The following RGS6 variants were observed in gnomAD, a reference collection of about 807,000 sequenced individuals.
RGS6 encodes regulator of G protein signaling 6, also known as regulator of G-protein signaling 6.
A neutral mutation model predicts 78.5 loss-of-function variants in RGS6; 30 were observed. The observed-to-expected ratio is 0.38, with a 90% confidence interval of 0.29 to 0.52. The LOEUF is 0.52. Ranked by LOEUF, RGS6 falls within the 20% of genes least tolerant of loss-of-function variation. The probability of loss-of-function intolerance (pLI) is 0.85; values close to 1 mark genes in which losing one functional copy is unlikely to be tolerated. For synonymous variants in RGS6, 206 were observed against 206.0 expected, an observed-to-expected ratio of 1.00 and a Z score of 0.00; for missense variants, 495 against 609.7, an observed-to-expected ratio of 0.81 and a Z score of 1.98.
At chr14:72,329,854 A>G (rs112732242) in intron 2 of RGS6, among the ~76,000 whole-genome samples, 5,105 of 152,190 alleles carry the variant, frequency 0.034, 176 homozygotes, top group African/African-American at 0.088. Context: ...GGGCCCTGAG[A>G]ACTGCCGGGA....
the RGS6 span, among the ~76,000 whole-genome samples, chr14:72,592,443 G>A: frequency 5.3e-5 from 8 of 152,350 alleles, no homozygotes; most frequent in East Asian, 1.3e-3. Flanking sequence ...GTGTAACAAG[G>A]TGTTAAGCTG....
downstream of RGS6, among the ~76,000 whole-genome samples, chr14:72,570,530 G>A (rs2097719053): frequency 6.6e-6 from 1 of 152,230 alleles, no homozygotes; most frequent in South Asian, 2.1e-4. Context: ...TCAGAGTGAG[G>A]CGTTATCTAT....
At chr14:72,482,201 G>C (rs1193914741) in intron 12 of RGS6, among the ~76,000 whole-genome samples, 1 of 152,146 alleles carries the variant, frequency 6.6e-6, no homozygotes, top group Non-Finnish European at 1.5e-5. Flanking sequence ...AGTTAATTTT[G>C]CTAGATGACT....
chr14:72,227,029 T>A (rs1371497558), intron 2 of RGS6, among the ~76,000 whole-genome samples: 4 of 152,214 alleles, frequency 2.6e-5, no homozygotes. Context: ...ACCAGATATA[T>A]ACACAACATT....
chr14:72,478,770 C>T lies in RGS6; in HGVS notation c.854+441C>T, dbSNP rs2096299548. On this transcript the variant is annotated intron_variant, in intron 12 of 17. Coordinates refer to ENST00000553525, the MANE Select transcript of RGS6 (RefSeq NM_001204424.2). ...TGGATCATCGGGAAGTGTTCCGCCT[C>T]CACACGCCATCAACCACTGAACTGC... is the stretch of plus-strand genomic sequence containing the variant. 2.0e-5 allele frequency among the ~76,000 whole-genome samples: 3 copies of T among 152,178 alleles called. 1 individual carries two copies. The South Asian group carries it at 6.2e-4, about 32-fold the overall frequency.
intron 2 of RGS6, among the ~76,000 whole-genome samples, chr14:72,057,050 C>T (rs1466264944): frequency 2.0e-5 from 3 of 151,946 alleles, no homozygotes; most frequent in Non-Finnish European, 2.9e-5. Context: ...GCAGTGGCTC[C>T]GACTTGTAAT....
chr14:72,545,469 T>G (rs888192667), intron 17 of RGS6, among the ~76,000 whole-genome samples: 7 of 152,144 alleles, frequency 4.6e-5, no homozygotes, highest in African/African-American at 1.7e-4. Context: ...CTCTGAGCCC[T>G]GGTTTTCTCC....
chr14:71,909,865 T>A, the RGS6 span, among the ~76,000 whole-genome samples: 2 of 151,938 alleles, frequency 1.3e-5, no homozygotes, highest in Non-Finnish European at 2.9e-5. Flanking sequence ...CTCTTTGACA[T>A]AAGTGTATTT....
At chr14:72,149,980 A>G (rs1239452124) in intron 2 of RGS6, among the ~76,000 whole-genome samples, 1 of 152,124 alleles carries the variant, frequency 6.6e-6, no homozygotes, top group Non-Finnish European at 1.5e-5. Flanking sequence ...CCATCTTACT[A>G]TTGGGCTACC....
chr14:72,385,771 A>G (rs377593158), intron 3 of RGS6, among the ~76,000 whole-genome samples: 9 of 152,270 alleles, frequency 5.9e-5, no homozygotes, highest in Admixed American at 1.3e-4. Flanking sequence ...TTCACCTTCA[A>G]TGTCATGCCA....
At chr14:71,933,608 A>G (rs1035309406) in intron 1 of RGS6, among the ~76,000 whole-genome samples, 4 of 152,226 alleles carry the variant, frequency 2.6e-5, no homozygotes, top group Non-Finnish European at 4.4e-5. Context: ...AGTTTTGTTC[A>G]GAATGAAAGC....
chr14:72,107,296 C>T lies in RGS6; in HGVS notation c.84+142421C>T, dbSNP rs574386306. 1.1e-4 allele frequency among the ~76,000 whole-genome samples: 17 copies of T among 152,182 alleles called. No homozygotes were observed. In the East Asian group the frequency reaches 1.7e-3, roughly 16 times the overall value. On this transcript the variant is annotated intron_variant, in intron 2 of 17. Coordinates refer to ENST00000553525, the MANE Select transcript of RGS6 (RefSeq NM_001204424.2). ...AAACGTAGTGGAAGAGTAATCAAAC[C>T]GTAGCAAATCATCCCTATTGAAGCT...
At chr14:72,476,958 C>G (rs2096254479) in intron 11 of RGS6, 118 bp downstream of exon 11, 1 of 840,008 alleles carries the variant, frequency 1.2e-6, no homozygotes, top group Non-Finnish European at 1.9e-6. Context: ...ACAGTGGAAC[C>G]CAGCTGTGGG....
intron 2 of RGS6, among the ~76,000 whole-genome samples, chr14:72,180,237 A>T (rs1441267682): frequency 1.3e-5 from 2 of 152,252 alleles, no homozygotes. Context: ...TTTTGGGTGT[A>T]GTGCTTCAGT....
chr14:72,420,522 T>C (rs1041512129), intron 3 of RGS6, among the ~76,000 whole-genome samples: 2 of 152,228 alleles, frequency 1.3e-5, no homozygotes, highest in African/African-American at 4.8e-5. Flanking sequence ...TCCCTTCAGC[T>C]AACCCTGCCC....
chr14:72,295,278 G>C (rs367557004), intron 2 of RGS6, among the ~76,000 whole-genome samples: 5 of 145,866 alleles, frequency 3.4e-5, no homozygotes, highest in African/African-American at 7.8e-5. Flanking sequence ...GCGACAGAGC[G>C]AGACTCCGTC....
At chr14:72,169,816 G>A (rs761701526) in intron 2 of RGS6, among the ~76,000 whole-genome samples, 3 of 152,126 alleles carry the variant, frequency 2.0e-5, no homozygotes, top group Non-Finnish European at 2.9e-5. Context: ...GAGTATAGGG[G>A]CACATGGGCA....
At chr14:72,151,243 A>G (rs2096681953) in intron 2 of RGS6, among the ~76,000 whole-genome samples, 1 of 152,184 alleles carries the variant, frequency 6.6e-6, no homozygotes, top group South Asian at 2.1e-4. Context: ...ATAGAGAAGA[A>G]ATCAAGCCTT....
intron 16 of RGS6, among the ~76,000 whole-genome samples, chr14:72,539,140 A>G (rs1449398218): frequency 6.6e-6 from 1 of 152,182 alleles, no homozygotes; most frequent in African/African-American, 2.4e-5. Flanking sequence ...GTGAAAGGAA[A>G]GTCAGGAGCA....
Sources: allele counts gnomAD v4.1 joint callset (sites outside exome capture counted in the v4.1 genomes callset), GRCh38; gene constraint gnomAD v4.1.1; transcripts MANE v1.5; gene names NCBI Gene and HGNC (gene_info 2026-07-23, HGNC 2026-07-21).